OPCML: variants seen among roughly 807,000 people sequenced by gnomAD.
The protein encoded by OPCML is opioid binding protein/cell adhesion molecule like, also known as opioid-binding protein/cell adhesion molecule.
Under a neutral mutation model 37.8 loss-of-function variants are expected in OPCML, and 13 were observed. The ratio of observed to expected loss-of-function variants is 0.34; its 90% CI spans 0.22 to 0.55. The LOEUF (loss-of-function observed/expected upper bound fraction) is 0.55. OPCML is among the 20% of genes least tolerant of loss of function. The pLI, the probability that OPCML is intolerant of heterozygous loss-of-function variation, is 0.91. For missense variants in OPCML, 341 were observed against 435.6 expected (o/e 0.78, Z 1.93); for synonymous variants, 176 against 168.8 (o/e 1.04, Z -0.33).
chr11:133,111,270 C>T (rs1436708753), intron 1 of OPCML, among the ~76,000 whole-genome samples: 1 of 152,214 alleles, frequency 6.6e-6, no homozygotes, highest in Non-Finnish European at 1.5e-5. Flanking sequence ...CATTTACCCA[C>T]TGGCACGGTA....
chr11:132,610,821 G>A (rs2137841469), intron 3 of OPCML, among the ~76,000 whole-genome samples: 1 of 152,284 alleles, frequency 6.6e-6, no homozygotes, highest in African/African-American at 2.4e-5. Context: ...TCACTGGAAA[G>A]AAAAACATTT....
At chr11:132,739,428 T>C (rs1410929314) in intron 2 of OPCML, among the ~76,000 whole-genome samples, 2 of 152,184 alleles carry the variant, frequency 1.3e-5, no homozygotes, top group Non-Finnish European at 2.9e-5. Context: ...GTTTTTTTCC[T>C]CCCTAACTAG....
intron 2 of OPCML, among the ~76,000 whole-genome samples, chr11:132,771,212 C>T (rs1379156732): frequency 6.6e-6 from 1 of 152,218 alleles, no homozygotes; most frequent in Non-Finnish European, 1.5e-5. Context: ...GAGCCATCCA[C>T]CTCAGAAGAG....
intron 2 of OPCML, among the ~76,000 whole-genome samples, chr11:132,684,270 G>A (rs1452841895): frequency 1.3e-5 from 2 of 152,098 alleles, no homozygotes; most frequent in Non-Finnish European, 2.9e-5. Flanking sequence ...CAGATTATTT[G>A]CATGAATTCT....
chr11:133,085,396 T>C (rs577737329), intron 1 of OPCML, among the ~76,000 whole-genome samples: 28 of 152,328 alleles, frequency 1.8e-4, no homozygotes, highest in Admixed American at 5.2e-4. Context: ...GCTGTGTGCA[T>C]GCCATTCCCC....
intron 2 of OPCML, among the ~76,000 whole-genome samples, chr11:132,775,848 C>T (rs1337252799): frequency 6.6e-6 from 1 of 152,202 alleles, no homozygotes; most frequent in African/African-American, 2.4e-5. Flanking sequence ...ACCTATGAAC[C>T]ACAGAATGCT....
At chr11:132,901,949 C>A (rs1397430405) in intron 2 of OPCML, among the ~76,000 whole-genome samples, 2 of 152,148 alleles carry the variant, frequency 1.3e-5, no homozygotes, top group East Asian at 3.9e-4. Context: ...GGAATAAGAA[C>A]CACCAACAGG....
intron 2 of OPCML, among the ~76,000 whole-genome samples, chr11:132,913,359 G>A (rs1319246043): frequency 6.6e-6 from 1 of 152,150 alleles, no homozygotes; most frequent in Non-Finnish European, 1.5e-5. Context: ...CAATTAACTA[G>A]TATTTAATTA....
intron 1 of OPCML, among the ~76,000 whole-genome samples, chr11:133,459,552 CCAAAA>C (rs1464383138): frequency 1.3e-5 from 2 of 151,936 alleles, no homozygotes; most frequent in South Asian, 2.1e-4. Flanking sequence ...CAAATAGTAA[CCAAAA>C]CAAAAGTGAC....
chr11:132,526,516 G>A (rs1452649020), intron 4 of OPCML, among the ~76,000 whole-genome samples: 1 of 152,024 alleles, frequency 6.6e-6, no homozygotes, highest in Non-Finnish European at 1.5e-5. Flanking sequence ...TTTATACCAA[G>A]AATATTAGGC....
At chr11:132,731,006 C>G (rs1357378471) in intron 2 of OPCML, among the ~76,000 whole-genome samples, 1 of 152,126 alleles carries the variant, frequency 6.6e-6, no homozygotes, top group Non-Finnish European at 1.5e-5. Flanking sequence ...GTTCTGTCTG[C>G]TTCGTTATTA....
At chr11:132,735,804 A>G (rs190674759) in intron 2 of OPCML, among the ~76,000 whole-genome samples, 30 of 152,338 alleles carry the variant, frequency 2.0e-4, no homozygotes, top group Admixed American at 1.2e-3. Context: ...TTATTGACAG[A>G]TATCCTGTCA....
At chr11:133,037,856 C>G (rs925929099) in intron 1 of OPCML, among the ~76,000 whole-genome samples, 11 of 152,316 alleles carry the variant, frequency 7.2e-5, no homozygotes, top group African/African-American at 2.4e-4. Flanking sequence ...ATTAAGATAA[C>G]CTTTGATCTT....
intron 3 of OPCML, among the ~76,000 whole-genome samples, chr11:132,577,628 A>C (rs1016033571): frequency 1.5e-4 from 23 of 152,302 alleles, no homozygotes; most frequent in Non-Finnish European, 2.9e-5. Context: ...TTCTTTGCAA[A>C]TAATGTGATG....
intron 1 of OPCML, among the ~76,000 whole-genome samples, chr11:133,292,653 A>G (rs931115141): frequency 6.6e-6 from 1 of 152,162 alleles, no homozygotes. Context: ...TGCTCCTCCA[A>G]TTGGCTCCAA....
At chr11:133,499,808 G>GTA (rs545945903) in intron 1 of OPCML, among the ~76,000 whole-genome samples, 5,040 of 132,914 alleles carry the variant, frequency 0.038, 109 homozygotes, top group South Asian at 0.078. Flanking sequence ...ATATGTGTGT[G>GTA]TATATATATA....
chr11:133,015,929 G>T (rs188036330), intron 1 of OPCML, among the ~76,000 whole-genome samples: 2 of 152,114 alleles, frequency 1.3e-5, no homozygotes, highest in African/African-American at 4.8e-5. Context: ...GCTTTGCTGA[G>T]CTCCCTTCAC....
intron 4 of OPCML, among the ~76,000 whole-genome samples, chr11:132,514,570 C>T (rs1467985145): frequency 6.6e-6 from 1 of 152,128 alleles, no homozygotes; most frequent in Non-Finnish European, 1.5e-5. Flanking sequence ...TCCAGCTACA[C>T]GCAGCCTCTG....
chr11:132,582,930 C>T (rs532736193), intron 3 of OPCML, among the ~76,000 whole-genome samples: 1 of 149,390 alleles, frequency 6.7e-6, no homozygotes, highest in East Asian at 2.0e-4. Flanking sequence ...ACTGCAGCCT[C>T]GAACTCCCAG....
Sources: gnomAD v4.1 joint callset for allele counts (sites outside exome capture counted in the v4.1 genomes callset) on GRCh38, gnomAD v4.1.1 for gene constraint, MANE v1.5 for transcripts, NCBI Gene and HGNC (gene_info 2026-07-23, HGNC 2026-07-21) for gene names.